Variants in SEPTIN7 observed in about 807,000 individuals in gnomAD.
The protein encoded by SEPTIN7 is septin-7.
Under a neutral mutation model 63.3 loss-of-function variants are expected in SEPTIN7, and 10 were observed. The ratio of observed to expected loss-of-function variants is 0.16; its 90% confidence interval spans 0.10 to 0.27. SEPTIN7 has a LOEUF of 0.27. Among genes scored for constraint, SEPTIN7 ranks in the 10% least tolerant of loss-of-function variants. SEPTIN7 has a pLI of 1.00. For synonymous variants in SEPTIN7, 131 were observed against 165.3 expected (o/e 0.79, Z 1.59); for missense variants, 310 against 521.0 (o/e 0.59, Z 3.94).
intron 1 of SEPTIN7, among the ~76,000 whole-genome samples, chr7:35,801,700 C>T (rs1423282531): frequency 6.6e-6 from 1 of 152,172 alleles, no homozygotes; most frequent in Non-Finnish European, 1.5e-5. Context: ...GGCAGAAGTC[C>T]CCTCGTGGGG....
intron 11 of SEPTIN7, among the ~76,000 whole-genome samples, chr7:35,896,002 A>C (rs1243206590): frequency 2.0e-5 from 3 of 152,004 alleles, no homozygotes; most frequent in Non-Finnish European, 2.9e-5. Context: ...GTAAAGATGG[A>C]GTTTCACCAT....
At chr7:35,907,532 G>C (rs1788653115), downstream of SEPTIN7, among the ~76,000 whole-genome samples, 1 of 151,996 alleles carries the variant, frequency 6.6e-6, no homozygotes, top group Admixed American at 6.6e-5. Context: ...GAAACTGAGG[G>C]TTTAAGATGT....
the SEPTIN7 span, among the ~76,000 whole-genome samples, chr7:35,913,244 G>A: frequency 1.2e-4 from 19 of 152,290 alleles, no homozygotes; most frequent in South Asian, 2.5e-3. Context: ...ATGGCAACAG[G>A]TGGGCCTCCA....
intron 3 of SEPTIN7, among the ~76,000 whole-genome samples, chr7:35,836,541 A>G (rs1252615682): frequency 6.6e-6 from 1 of 152,188 alleles, no homozygotes; most frequent in African/African-American, 2.4e-5. Flanking sequence ...GCAGATTGGC[A>G]CTTCTATTTT....
At chr7:35,845,403 T>C (rs1420971032) in intron 3 of SEPTIN7, among the ~76,000 whole-genome samples, 1 of 152,180 alleles carries the variant, frequency 6.6e-6, no homozygotes. Context: ...AAGCTAAATA[T>C]TTGATTAATC....
chr7:35,882,961 G>A (rs1786988715), intron 8 of SEPTIN7, among the ~76,000 whole-genome samples: 1 of 152,040 alleles, frequency 6.6e-6, no homozygotes, highest in South Asian at 2.1e-4. Flanking sequence ...CAGCTAGATA[G>A]GAGGAGTAAG....
At chr7:35,915,172 CACAT>C in the SEPTIN7 span, among the ~76,000 whole-genome samples, 1 of 151,842 alleles carries the variant, frequency 6.6e-6, no homozygotes, top group Non-Finnish European at 1.5e-5. Context: ...TATATATACA[CACAT>C]ATACATATAT....
chr7:35,838,001 T>G (rs1487838675), intron 3 of SEPTIN7, among the ~76,000 whole-genome samples: 1 of 152,130 alleles, frequency 6.6e-6, no homozygotes, highest in African/African-American at 2.4e-5. Flanking sequence ...AGTACTGGGA[T>G]TACAGGTGTG....
rs573053419 is a variant in SEPTIN7 at position 35,805,635 on chromosome 7, A to G, written c.61+4365A>G. On this transcript the variant is annotated intron_variant, in intron 1 of 13. Coordinates refer to ENST00000350320, the MANE Select transcript of SEPTIN7 (RefSeq NM_001788.6). ...GGCCAGTGTTAACTTTAAAAATACT[A>G]TACTTTGAAAGCTGAGAATTAAGTA... Among the ~76,000 whole-genome samples the G allele has an allele frequency of 7.2e-5, 11 of 152,338 alleles. No individual in the cohort carries two copies. In the East Asian group the frequency reaches 1.7e-3, roughly 24 times the overall value.
chr7:35,845,339 C>G (rs532976472), intron 3 of SEPTIN7, among the ~76,000 whole-genome samples: 1 of 151,486 alleles, frequency 6.6e-6, no homozygotes, highest in Non-Finnish European at 1.5e-5. Flanking sequence ...AGATCCAAAA[C>G]GAGGAATGAA....
intron 3 of SEPTIN7, among the ~76,000 whole-genome samples, chr7:35,858,959 C>A (rs1785358817): frequency 1.3e-5 from 2 of 152,250 alleles, no homozygotes; most frequent in East Asian, 1.9e-4. Flanking sequence ...GGATTACAGG[C>A]GTGAGCCACC....
intron 3 of SEPTIN7, among the ~76,000 whole-genome samples, chr7:35,835,869 A>T (rs192173016): frequency 1.2e-4 from 19 of 152,344 alleles, no homozygotes; most frequent in African/African-American, 4.6e-4. Context: ...AGGGCACCTA[A>T]GTACAAATTG....
intron 10 of SEPTIN7, among the ~76,000 whole-genome samples, chr7:35,887,769 A>G (rs1241946815): frequency 3.9e-5 from 6 of 152,250 alleles, no homozygotes; most frequent in Admixed American, 6.5e-5. Flanking sequence ...ACAGCAGAGC[A>G]GCAAGACTTT....
intron 3 of SEPTIN7, among the ~76,000 whole-genome samples, chr7:35,862,594 C>T (rs373084466): frequency 1.4e-4 from 22 of 152,164 alleles, no homozygotes; most frequent in African/African-American, 4.3e-4. Context: ...AAAATTGGCA[C>T]GCTCTCAGTC....
chr7:35,871,267 T>A (rs898833849), intron 4 of SEPTIN7, among the ~76,000 whole-genome samples: 2 of 152,150 alleles, frequency 1.3e-5, no homozygotes, highest in Non-Finnish European at 2.9e-5. Flanking sequence ...TCTCAGGCAA[T>A]TTTTTTCAGT....
At chr7:35,846,608 T>A (rs1017065828) in intron 3 of SEPTIN7, among the ~76,000 whole-genome samples, 2 of 152,174 alleles carry the variant, frequency 1.3e-5, no homozygotes, top group Non-Finnish European at 2.9e-5. Flanking sequence ...TTCCCATAAC[T>A]TCCCACTCTG....
At chr7:35,831,369 C>A in intron 1 of SEPTIN7, 123 bp from the exon 2 acceptor site, 1 of 265,424 alleles carries the variant, frequency 3.8e-6, no homozygotes, top group East Asian at 1.4e-4. Flanking sequence ...AATGGATTTG[C>A]CTCTCCTGTT....
At chr7:35,886,037 A>G (rs182940408) in intron 10 of SEPTIN7, among the ~76,000 whole-genome samples, 158 bp downstream of exon 10, 38 of 152,322 alleles carry the variant, frequency 2.5e-4, no homozygotes, top group Admixed American at 2.2e-3. Flanking sequence ...TCTTTCTCCA[A>G]GGTTTTGAAG....
intron 1 of SEPTIN7, among the ~76,000 whole-genome samples, chr7:35,828,194 T>A (rs1375992133): frequency 6.6e-6 from 1 of 152,372 alleles, no homozygotes; most frequent in East Asian, 1.9e-4. Flanking sequence ...GAGACTGCTC[T>A]TATTTTTTAA....
Sources: gnomAD v4.1 joint callset for allele counts (sites outside exome capture counted in the v4.1 genomes callset) on GRCh38, gnomAD v4.1.1 for gene constraint, MANE v1.5 for transcripts, NCBI Gene and HGNC (gene_info 2026-07-23, HGNC 2026-07-21) for gene names.